Variants in PHTF2 observed in about 807,000 individuals in gnomAD.
The protein encoded by PHTF2 is putative homeodomain transcription factor 2, also known as protein PHTF2.
PHTF2 carries 60 observed loss-of-function variants against 101.2 expected under a neutral mutation model. The observed-to-expected ratio is 0.59, with a 90% confidence interval of 0.48 to 0.73. The LOEUF is 0.73. Among genes scored for constraint, PHTF2 ranks in the 30% least tolerant of loss-of-function variants. The probability of loss-of-function intolerance (pLI) is 0.00; values close to 1 mark genes in which losing one functional copy is unlikely to be tolerated. For synonymous variants in PHTF2, 311 were observed against 307.3 expected, an observed-to-expected ratio of 1.01 and a Z score of -0.13; for missense variants, 747 against 908.7, an observed-to-expected ratio of 0.82 and a Z score of 2.29.
At chr7:77,924,094 A>C (rs1803732900) in intron 11 of PHTF2, 1 of 964,178 alleles carries the variant, frequency 1.0e-6, no homozygotes, top group Admixed American at 6.2e-5. Flanking sequence ...TTCAGTTCTC[A>C]AAAATTTTTA....
At chr7:77,928,109 T>C (rs775661740) in intron 11 of PHTF2, among the ~76,000 whole-genome samples, 7 of 151,646 alleles carry the variant, frequency 4.6e-5, no homozygotes, top group Non-Finnish European at 1.0e-4. Flanking sequence ...CTGAAGTCGG[T>C]GATAGCAAAG....
At chr7:77,887,060 A>AG (rs1414257273) in intron 3 of PHTF2, among the ~76,000 whole-genome samples, 1 of 151,940 alleles carries the variant, frequency 6.6e-6, no homozygotes, top group Non-Finnish European at 1.5e-5. Flanking sequence ...AAAAAAAAAA[A>AG]AAGTGATACA....
chr7:77,870,209 T>A (rs1798400981), intron 3 of PHTF2, among the ~76,000 whole-genome samples: 1 of 151,984 alleles, frequency 6.6e-6, no homozygotes. Context: ...AGTAGTTTTA[T>A]AGTGTTAGGT....
chr7:77,812,614 G>C (rs1793526368), intron 1 of PHTF2, among the ~76,000 whole-genome samples: 1 of 149,706 alleles, frequency 6.7e-6, no homozygotes, highest in South Asian at 2.1e-4. Context: ...TTTTGAGACA[G>C]AGCCTCGCTC....
intron 9 of PHTF2, among the ~76,000 whole-genome samples, chr7:77,919,653 C>T (rs1310534511): frequency 1.3e-5 from 2 of 152,200 alleles, no homozygotes; most frequent in Non-Finnish European, 2.9e-5. Context: ...TCAATTCTAG[C>T]CCTTTAGATA....
At position 77,916,135 on chromosome 7, in the gene PHTF2, A is replaced by G. The variant is rs1802900770; in HGVS notation, c.777-4144A>G. ...TATATATGTTTATTTTAAAATCAAA[A>G]TGCTTTTTATCTTGCATTCTGTTTA... On this transcript the variant is annotated intron_variant, in intron 9 of 19. Coordinates refer to ENST00000416283, the Ensembl canonical transcript of PHTF2. Among the ~76,000 whole-genome samples, 4 of 152,266 alleles carry G rather than the reference A, an allele frequency of 2.6e-5. No homozygotes were observed. In the South Asian group the frequency reaches 8.3e-4, roughly 32 times the overall value.
chr7:77,840,002 A>G (rs1795748012), intron 1 of PHTF2: 1 of 349,278 alleles, frequency 2.9e-6, no homozygotes. Context: ...AACAAGTGTT[A>G]TTTATTCATG....
exon 20 of PHTF2, chr7:77,956,881 G>A (rs1446637441): frequency 2.0e-5 from 3 of 152,148 alleles, no homozygotes; most frequent in African/African-American, 7.2e-5. Flanking sequence ...TTAACTTAGA[G>A]TTGGGAGTTG....
exon 12 of PHTF2, chr7:77,929,289 T>C (rs1425533016): frequency 6.2e-7 from 1 of 1,611,042 alleles, no homozygotes. Context: ...GATTAATCCA[T>C]GTGTGAAAAA....
chr7:77,893,407 C>G (rs1049774820), intron 3 of PHTF2, among the ~76,000 whole-genome samples: 34 of 152,152 alleles, frequency 2.2e-4, no homozygotes, highest in Admixed American at 2.0e-3. Flanking sequence ...TAACAAATTC[C>G]AAGGTGACGC....
At chr7:77,946,799 C>T (rs534998041) in intron 16 of PHTF2, among the ~76,000 whole-genome samples, 5 of 152,260 alleles carry the variant, frequency 3.3e-5, no homozygotes, top group South Asian at 2.1e-4. Context: ...TTGTTGACAT[C>T]TGTTATATAC....
intron 12 of PHTF2, among the ~76,000 whole-genome samples, chr7:77,933,903 A>G (rs1439987364): frequency 6.6e-6 from 1 of 152,224 alleles, no homozygotes; most frequent in African/African-American, 2.4e-5. Context: ...CTGTCACACC[A>G]GTCGGCTACC....
intron 19 of PHTF2, among the ~76,000 whole-genome samples, chr7:77,954,644 A>ATGTATGTGTATATATATATATG (rs1173025211): frequency 1.4e-5 from 2 of 143,640 alleles, no homozygotes; most frequent in African/African-American, 5.1e-5. Flanking sequence ...ATATATATAT[A>ATGTATGTGTATATATATATATG]TAGCCACTTC....
intron 19 of PHTF2, 104 bp downstream of exon 18, chr7:77,953,998 GC>G: frequency 1.2e-6 from 1 of 813,668 alleles, no homozygotes; most frequent in Non-Finnish European, 1.9e-6. Context: ...TGGTAAGATT[GC>G]AATTATTGAA....
chr7:77,881,296 C>T (rs7787833), intron 3 of PHTF2, among the ~76,000 whole-genome samples: 1 of 152,136 alleles, frequency 6.6e-6, no homozygotes, highest in Non-Finnish European at 1.5e-5. Context: ...TTGTAAGTCT[C>T]ATTACCTGCT....
chr7:77,937,028 C>T (rs371448179), intron 12 of PHTF2, among the ~76,000 whole-genome samples: 5 of 151,588 alleles, frequency 3.3e-5, no homozygotes, highest in African/African-American at 7.3e-5. Flanking sequence ...GCCTGTAGTC[C>T]GAGCTACTCA....
intron 1 of PHTF2, among the ~76,000 whole-genome samples, chr7:77,817,091 G>T (rs536373880): frequency 6.6e-6 from 1 of 152,244 alleles, no homozygotes; most frequent in East Asian, 1.9e-4. Flanking sequence ...CCCAGTGGTG[G>T]GATTGCTGGA....
chr7:77,908,986 T>C, intron 8 of PHTF2, 28 bp downstream of exon 7: 3 of 1,433,260 alleles, frequency 2.1e-6, no homozygotes, highest in Non-Finnish European at 2.9e-6. Context: ...GTAATCTTTT[T>C]GTACATTTAT....
chr7:77,810,738 A>G (rs1054096812), intron 1 of PHTF2, among the ~76,000 whole-genome samples: 29 of 152,054 alleles, frequency 1.9e-4, no homozygotes, highest in African/African-American at 7.0e-4. Context: ...GGGTTTTGCC[A>G]TATTAGCCAG....
Sources: allele counts gnomAD v4.1 joint callset (sites outside exome capture counted in the v4.1 genomes callset), GRCh38; gene constraint gnomAD v4.1.1; transcripts MANE v1.5; gene names NCBI Gene and HGNC (gene_info 2026-07-23, HGNC 2026-07-21).